Variants in CNTNAP2 observed in about 807,000 individuals in gnomAD.
CNTNAP2 encodes the protein contactin associated protein 2.
Under a neutral mutation model 155.2 loss-of-function variants are expected in CNTNAP2, and 98 were observed. The observed-to-expected ratio is 0.63, with a 90% CI of 0.54 to 0.75. CNTNAP2 has a LOEUF of 0.75. CNTNAP2 is among the 30% of genes least tolerant of loss of function. The pLI, the probability that CNTNAP2 is intolerant of heterozygous loss-of-function variation, is 0.00. For synonymous variants in CNTNAP2, 651 were observed against 631.2 expected (o/e 1.03, Z -0.47); for missense variants, 1,727 against 1,688.1 (o/e 1.02, Z -0.40).
chr7:148,017,573 C>G (rs1227313012), intron 15 of CNTNAP2, among the ~76,000 whole-genome samples: 1 of 152,148 alleles, frequency 6.6e-6, no homozygotes, highest in Non-Finnish European at 1.5e-5. Context: ...TATATATGTT[C>G]TAGTTTTAGA....
chr7:146,491,136 A>G (rs2129131163), intron 1 of CNTNAP2, among the ~76,000 whole-genome samples: 1 of 152,346 alleles, frequency 6.6e-6, no homozygotes, highest in Admixed American at 6.5e-5. Context: ...CCCAAAGATG[A>G]GAAATTATAA....
chr7:146,278,492 C>T (rs1396645509), intron 1 of CNTNAP2, among the ~76,000 whole-genome samples: 3 of 152,090 alleles, frequency 2.0e-5, no homozygotes, highest in Admixed American at 2.0e-4. Context: ...AATGTTCTAT[C>T]AGACTCCCAC....
intron 1 of CNTNAP2, among the ~76,000 whole-genome samples, chr7:146,416,136 G>C (rs942754792): frequency 1.4e-5 from 2 of 144,516 alleles, no homozygotes; most frequent in Admixed American, 1.4e-4. Flanking sequence ...ATTCCAACTG[G>C]CCTTTATTTC....
At chr7:147,551,421 C>T (rs565002466) in intron 11 of CNTNAP2, among the ~76,000 whole-genome samples, 1 of 152,138 alleles carries the variant, frequency 6.6e-6, no homozygotes, top group Non-Finnish European at 1.5e-5. Context: ...TTATTGACTC[C>T]TTAATCTCTA....
intron 3 of CNTNAP2, among the ~76,000 whole-genome samples, chr7:146,856,297 G>GATACATACATACATAC (rs71165043): frequency 3.0e-4 from 35 of 116,704 alleles, no homozygotes; most frequent in African/African-American, 1.1e-3. Flanking sequence ...TAGATAGATA[G>GATACATACATACATAC]ATACATACAT....
chr7:146,686,657 A>C (rs1800606682), intron 1 of CNTNAP2, among the ~76,000 whole-genome samples: 1 of 152,202 alleles, frequency 6.6e-6, no homozygotes, highest in Non-Finnish European at 1.5e-5. Context: ...GACTTTTCAC[A>C]GTATTACTTC....
Position 146,815,151 on chromosome 7 carries a change from A to C in CNTNAP2, c.209-24560A>C, listed in dbSNP as rs924023121. On this transcript the variant is annotated intron_variant, in intron 2 of 23. Coordinates refer to ENST00000361727, the MANE Select transcript of CNTNAP2 (RefSeq NM_014141.6). ...AATTAGTGCTGAATGCAGTTTTAAA[A>C]ATCTTACCTTGTTAATCTGTTAGAA... 1.3e-5 allele frequency among the ~76,000 whole-genome samples: 2 copies of C among 152,160 alleles called. 1 individual carries two copies. Among genetic ancestry groups the C allele is most frequent in the Non-Finnish European group, 2.9e-5 (2 of 68,016 alleles).
chr7:147,427,208 T>C (rs898298624), intron 10 of CNTNAP2, among the ~76,000 whole-genome samples: 2 of 152,102 alleles, frequency 1.3e-5, no homozygotes, highest in African/African-American at 4.8e-5. Flanking sequence ...ATAAGGATGT[T>C]AGTCCCATTC....
intron 18 of CNTNAP2, among the ~76,000 whole-genome samples, chr7:148,181,004 C>T (rs1795029232): frequency 1.3e-5 from 2 of 152,172 alleles, no homozygotes; most frequent in Non-Finnish European, 2.9e-5. Context: ...TATCTATCTA[C>T]TAGAGATGAG....
chr7:147,946,547 G>A (rs1277693336), intron 14 of CNTNAP2, among the ~76,000 whole-genome samples: 1 of 152,124 alleles, frequency 6.6e-6, no homozygotes, highest in Non-Finnish European at 1.5e-5. Context: ...ATTTCAGCTA[G>A]TTTCAGGAAT....
intron 3 of CNTNAP2, among the ~76,000 whole-genome samples, chr7:146,956,869 G>A (rs1797448203): frequency 1.3e-5 from 2 of 152,096 alleles, no homozygotes; most frequent in African/African-American, 2.4e-5. Flanking sequence ...TATCTCACAG[G>A]AACATTAAAC....
intron 1 of CNTNAP2, among the ~76,000 whole-genome samples, chr7:146,675,050 T>C (rs1800373883): frequency 6.6e-6 from 1 of 152,142 alleles, no homozygotes; most frequent in African/African-American, 2.4e-5. Context: ...TTCTGATCTC[T>C]TTCACCCCAA....
intron 13 of CNTNAP2, among the ~76,000 whole-genome samples, chr7:147,733,616 G>C (rs1037337984): frequency 3.3e-5 from 5 of 152,120 alleles, no homozygotes; most frequent in African/African-American, 1.2e-4. Context: ...GGGCAATATG[G>C]CCATTTTCAT....
intron 3 of CNTNAP2, among the ~76,000 whole-genome samples, chr7:146,930,971 C>T (rs1796740686): frequency 6.6e-6 from 1 of 152,024 alleles, no homozygotes; most frequent in Non-Finnish European, 1.5e-5. Context: ...ACATAGACTC[C>T]CACACAATAA....
At chr7:146,120,641 G>A (rs931866417) in intron 1 of CNTNAP2, among the ~76,000 whole-genome samples, 1 of 152,142 alleles carries the variant, frequency 6.6e-6, no homozygotes, top group Non-Finnish European at 1.5e-5. Context: ...CCACGTGTAT[G>A]TTGGTGGTTC....
At chr7:146,956,048 G>A (rs773979491) in intron 3 of CNTNAP2, among the ~76,000 whole-genome samples, 10 of 151,558 alleles carry the variant, frequency 6.6e-5, no homozygotes, top group Non-Finnish European at 1.5e-4. Context: ...TTCAATCCTA[G>A]CACAAATGAT....
chr7:146,975,020 A>G (rs941802756), intron 3 of CNTNAP2, among the ~76,000 whole-genome samples: 9 of 152,176 alleles, frequency 5.9e-5, no homozygotes, highest in Non-Finnish European at 1.2e-4. Flanking sequence ...TTCACCAGGT[A>G]TACGTATATT....
At chr7:146,906,503 C>CGAGCA (rs1194303989) in intron 3 of CNTNAP2, among the ~76,000 whole-genome samples, 25 of 151,990 alleles carry the variant, frequency 1.6e-4, no homozygotes, top group African/African-American at 6.0e-4. Context: ...CCCTGACCCC[C>CGAGCA]GAGCAGCCTA....
At chr7:147,328,561 C>T (rs747316489) in intron 9 of CNTNAP2, among the ~76,000 whole-genome samples, 4 of 152,194 alleles carry the variant, frequency 2.6e-5, no homozygotes, top group Non-Finnish European at 4.4e-5. Context: ...CCTTCCATCT[C>T]TGGAAATATT....
Sources: allele counts gnomAD v4.1 joint callset (sites outside exome capture counted in the v4.1 genomes callset), GRCh38; gene constraint gnomAD v4.1.1; transcripts MANE v1.5; gene names NCBI Gene and HGNC (gene_info 2026-07-23, HGNC 2026-07-21).